Variants in SHANK2 observed in about 807,000 individuals in gnomAD.
The protein encoded by SHANK2 is SH3 and multiple ankyrin repeat domains 2.
Under a neutral mutation model 133.7 loss-of-function variants are expected in SHANK2, and 43 were observed. That is an observed-to-expected ratio of 0.32 (90% CI 0.25 to 0.41). The LOEUF is 0.41. Ranked by LOEUF, SHANK2 falls within the 10% of genes least tolerant of loss-of-function variation. The probability of loss-of-function intolerance (pLI) is 1.00; values close to 1 mark genes in which losing one functional copy is unlikely to be tolerated. For missense variants in SHANK2, 1,994 were observed against 2,235.8 expected (o/e 0.89, Z 2.18); for synonymous variants, 1,017 against 952.8 (o/e 1.07, Z -1.24).
chr11:70,741,231 G>GCATC (rs61208287), intron 14 of SHANK2, among the ~76,000 whole-genome samples: 11,392 of 143,228 alleles, frequency 0.08, 463 homozygotes, highest in Middle Eastern at 0.099. Context: ...ATTTAACCAT[G>GCATC]CATCCATCCA....
At chr11:70,948,335 G>T in intron 10 of SHANK2, 1 of 457,282 alleles carries the variant, frequency 2.2e-6, no homozygotes, top group Non-Finnish European at 4.4e-6. Context: ...GTGTGGTGTG[G>T]CTCACTGATG....
At chr11:71,074,164 T>C (rs918002772) in intron 9 of SHANK2, among the ~76,000 whole-genome samples, 9 of 152,168 alleles carry the variant, frequency 5.9e-5, no homozygotes, top group African/African-American at 2.2e-4. Flanking sequence ...GAGGATGACC[T>C]GAGATGCCCC....
chr11:70,654,836 C>T (rs2061386062), intron 17 of SHANK2, among the ~76,000 whole-genome samples: 1 of 150,506 alleles, frequency 6.6e-6, no homozygotes, highest in Non-Finnish European at 1.5e-5. Flanking sequence ...GGCGTGATCT[C>T]GGCTCACGGC....
chr11:70,524,497 T>C (rs1474030763), intron 17 of SHANK2, among the ~76,000 whole-genome samples: 5 of 152,326 alleles, frequency 3.3e-5, no homozygotes, highest in Middle Eastern at 3.4e-3. Flanking sequence ...TTGCTCCACA[T>C]TGATCTGCAA....
chr11:70,947,902 C>A (rs1555085744), intron 10 of SHANK2, among the ~76,000 whole-genome samples: 8 of 152,140 alleles, frequency 5.3e-5, no homozygotes, highest in Non-Finnish European at 1.2e-4. Context: ...CTGTACATCT[C>A]CCCCAGAGTA....
intron 11 of SHANK2, among the ~76,000 whole-genome samples, chr11:70,876,189 C>T (rs945040543): frequency 1.6e-4 from 24 of 150,772 alleles, no homozygotes; most frequent in African/African-American, 2.9e-4. Flanking sequence ...TATACACACA[C>T]GTATATACAT....
intron 1 of SHANK2, among the ~76,000 whole-genome samples, chr11:71,243,950 T>C (rs1954926380): frequency 6.6e-6 from 1 of 152,204 alleles, no homozygotes; most frequent in Non-Finnish European, 1.5e-5. Flanking sequence ...TAAAGAAGAA[T>C]GAAGGCCAAT....
In SHANK2 at chr11:70,473,477, G is replaced by A. The variant is rs1348677324; in HGVS notation, c.4980-38C>T. The A allele has an allele frequency of 6.3e-7, 1 of 1,593,848 alleles. No homozygotes were observed. Among genetic ancestry groups the A allele is most frequent in the Admixed American group, 1.7e-5 (1 of 59,896 alleles). ...CACAGAGAAAACCATCACAAGGCAG[G>A]TCACCGAGTCAGGGCAGCTGGCTGC... is the stretch of plus-strand genomic sequence containing the variant. On this transcript the variant is annotated intron_variant, in intron 25 of 25. Coordinates refer to ENST00000601538, the MANE Select transcript of SHANK2 (RefSeq NM_012309.5). This position sits in a 1 kb window ranked among gnomAD's most constrained non-coding sequence, Gnocchi z 5.9.
intron 13 of SHANK2, among the ~76,000 whole-genome samples, chr11:70,799,612 G>A (rs1947998204): frequency 6.6e-6 from 1 of 152,180 alleles, no homozygotes; most frequent in Admixed American, 6.5e-5. Flanking sequence ...GTGGTTGCTG[G>A]CAAGGACTGC....
chr11:70,496,163 G>A (rs898140022), intron 21 of SHANK2, among the ~76,000 whole-genome samples: 1 of 148,556 alleles, frequency 6.7e-6, no homozygotes, highest in African/African-American at 2.4e-5. Flanking sequence ...GCCAGGCTCT[G>A]CTGTGCTGTT....
At chr11:70,754,148 T>G (rs1407149637) in intron 14 of SHANK2, among the ~76,000 whole-genome samples, 1 of 152,200 alleles carries the variant, frequency 6.6e-6, no homozygotes, top group African/African-American at 2.4e-5. Context: ...AAAGACTTCT[T>G]GACTCCAGTG....
chr11:70,580,197 C>T (rs1240681551), intron 17 of SHANK2, among the ~76,000 whole-genome samples: 1 of 152,222 alleles, frequency 6.6e-6, no homozygotes, highest in Non-Finnish European at 1.5e-5. Context: ...TGCGAAGGGA[C>T]ACTTTGCAGA....
chr11:70,495,107 C>T (rs530083389), intron 21 of SHANK2, among the ~76,000 whole-genome samples: 12 of 152,312 alleles, frequency 7.9e-5, no homozygotes, highest in Admixed American at 2.0e-4. Context: ...AGTCCAGAGC[C>T]GTGCTGTCCT....
chr11:71,144,437 GC>G (rs2135394019), intron 3 of SHANK2, among the ~76,000 whole-genome samples: 1 of 152,270 alleles, frequency 6.6e-6, no homozygotes, highest in Admixed American at 6.5e-5. Context: ...GGATTCCAGA[GC>G]TCCAGGGAAT....
chr11:70,658,224 C>CACACACACACACACACAG lies in SHANK2; in HGVS notation c.2061+1603_2061+1604insCTGTGTGTGTGTGTGTGT, dbSNP rs1565220282. On this transcript the variant is annotated intron_variant, in intron 17 of 25. Coordinates refer to ENST00000601538, the MANE Select transcript of SHANK2 (RefSeq NM_012309.5). ...CGCCCCCCCAACACACACACACACA[C>CACACACACACACACACAG]ACACACACACACACACACACAGACA... Among the ~76,000 whole-genome samples the CACACACACACACACACAG allele has an allele frequency of 4.1e-5, 5 of 121,742 alleles. No individual in the cohort carries two copies. In the South Asian group the frequency reaches 1.3e-3, roughly 32 times the overall value. 79.9% of individuals were successfully genotyped at this position (121,742 alleles called of 152,430 possible). A position where few individuals can be genotyped will look rare whatever the true frequency, so the allele number is the denominator to read the frequency against.
At chr11:71,061,633 C>A (rs1950987291) in intron 9 of SHANK2, among the ~76,000 whole-genome samples, 1 of 152,176 alleles carries the variant, frequency 6.6e-6, no homozygotes, top group South Asian at 2.1e-4. Context: ...GAAAGTAACC[C>A]CTGATCCCCA....
intron 25 of SHANK2, chr11:70,477,694 C>T (rs545657216): frequency 2.6e-5 from 4 of 152,298 alleles, no homozygotes; most frequent in Admixed American, 6.5e-5. Flanking sequence ...ACAGCCCAGC[C>T]GTTAATCACA....
intron 17 of SHANK2, among the ~76,000 whole-genome samples, chr11:70,628,724 A>G (rs2060937853): frequency 6.6e-6 from 1 of 152,192 alleles, no homozygotes; most frequent in African/African-American, 2.4e-5. Context: ...GCAGGCTGTT[A>G]GCACCGCCTC....
chr11:71,105,952 T>C (rs1399566867), intron 6 of SHANK2, among the ~76,000 whole-genome samples: 5 of 152,196 alleles, frequency 3.3e-5, no homozygotes, highest in African/African-American at 1.2e-4. Flanking sequence ...TACTTGAGGA[T>C]CACTACTGGG....
Sources: allele counts gnomAD v4.1 joint callset (sites outside exome capture counted in the v4.1 genomes callset), GRCh38; gene constraint gnomAD v4.1.1; non-coding constraint Gnocchi (gnomAD v3.1); transcripts MANE v1.5; gene names NCBI Gene and HGNC (gene_info 2026-07-23, HGNC 2026-07-21).